The following CTNNA3 variants were observed in gnomAD, a reference collection of about 807,000 sequenced individuals.
The protein encoded by CTNNA3 is catenin alpha-3.
Under a neutral mutation model 95.7 loss-of-function variants are expected in CTNNA3, and 76 were observed. The observed-to-expected ratio is 0.79, with a 90% confidence interval of 0.66 to 0.96. The LOEUF (loss-of-function observed/expected upper bound fraction) is 0.96. Ranked by LOEUF, CTNNA3 falls within the 40% of genes least tolerant of loss-of-function variation. The pLI is 0.00. For missense variants in CTNNA3, 1,191 were observed against 1,089.8 expected (o/e 1.09, Z -1.31); for synonymous variants, 431 against 374.4 (o/e 1.15, Z -1.74).
intron 5 of CTNNA3, among the ~76,000 whole-genome samples, chr10:67,354,165 C>T (rs1775222386): frequency 2.0e-5 from 3 of 152,084 alleles, no homozygotes; most frequent in African/African-American, 4.8e-5. Flanking sequence ...AGTTAATGCA[C>T]AGTATAAAAC....
intron 5 of CTNNA3, among the ~76,000 whole-genome samples, chr10:67,344,789 A>G (rs1416887767): frequency 6.6e-6 from 1 of 151,958 alleles, no homozygotes; most frequent in Admixed American, 6.6e-5. Flanking sequence ...TTTTTAAAAC[A>G]CCAACTTTTT....
chr10:67,375,036 C>T (rs912134897), intron 5 of CTNNA3, among the ~76,000 whole-genome samples: 1 of 152,108 alleles, frequency 6.6e-6, no homozygotes, highest in African/African-American at 2.4e-5. Context: ...TTGACACCGA[C>T]ATACTAAAAG....
At chr10:67,551,331 G>A (rs1841024380) in intron 3 of CTNNA3, among the ~76,000 whole-genome samples, 1 of 152,120 alleles carries the variant, frequency 6.6e-6, no homozygotes, top group South Asian at 2.1e-4. Flanking sequence ...ACGACGTGGA[G>A]TTTTACTGGG....
intron 7 of CTNNA3, among the ~76,000 whole-genome samples, chr10:67,179,338 C>T (rs1162100896): frequency 6.6e-6 from 1 of 151,124 alleles, no homozygotes; most frequent in African/African-American, 2.4e-5. Context: ...ATAAATATTA[C>T]CAAGATTTGA....
intron 9 of CTNNA3, among the ~76,000 whole-genome samples, chr10:66,670,808 G>A (rs1189972996): frequency 1.3e-5 from 2 of 152,176 alleles, no homozygotes; most frequent in Non-Finnish European, 2.9e-5. Flanking sequence ...ACCACAGGGT[G>A]TGCCCACCAG....
chr10:66,365,281 A>G (rs550297991), intron 12 of CTNNA3, among the ~76,000 whole-genome samples: 1 of 152,156 alleles, frequency 6.6e-6, no homozygotes, highest in Admixed American at 6.6e-5. Context: ...AAACTATCAT[A>G]AGATGAGAAA....
intron 9 of CTNNA3, among the ~76,000 whole-genome samples, chr10:66,714,110 G>A (rs142810265): frequency 3.5e-4 from 53 of 152,000 alleles, no homozygotes; most frequent in Non-Finnish European, 1.6e-4. Context: ...CAAAATGATC[G>A]AATCGTGATG....
chr10:66,647,198 T>G (rs1297343698), intron 9 of CTNNA3, among the ~76,000 whole-genome samples: 1 of 152,174 alleles, frequency 6.6e-6, no homozygotes, highest in African/African-American at 2.4e-5. Context: ...TCTAAAGGGT[T>G]CATACACTAC....
intron 7 of CTNNA3, among the ~76,000 whole-genome samples, chr10:66,962,881 A>T (rs1280390592): frequency 6.6e-6 from 1 of 152,096 alleles, no homozygotes; most frequent in Non-Finnish European, 1.5e-5. Context: ...TTGCCCAACA[A>T]TGCACCCCAT....
chr10:66,607,535 G>A (rs1008859895), intron 10 of CTNNA3, among the ~76,000 whole-genome samples: 5 of 137,766 alleles, frequency 3.6e-5, no homozygotes, highest in Non-Finnish European at 4.7e-5. Context: ...TGTCTTTGAT[G>A]AATTTTGAGG....
chr10:67,372,158 T>G (rs1843493311), intron 5 of CTNNA3, among the ~76,000 whole-genome samples: 1 of 152,168 alleles, frequency 6.6e-6, no homozygotes, highest in African/African-American at 2.4e-5. Context: ...TTGCAAAAAT[T>G]TTCTCCCATT....
At chr10:67,311,335 C>T (rs1840789366) in intron 5 of CTNNA3, among the ~76,000 whole-genome samples, 1 of 152,062 alleles carries the variant, frequency 6.6e-6, no homozygotes, top group African/African-American at 2.4e-5. Context: ...CTTCCAAGCT[C>T]TATAAAGGAT....
rs1194191979 is a variant in CTNNA3 at position 66,733,053 on chromosome 10, C to G, written c.1281+33211G>C. Reference sequence around the variant, plus strand: ...TCAAGTGACCCTCCTGCCTCAGCCTCCCAAAGTGCTAGGATTACAAGTGTC... The same window carrying G: ...TCAAGTGACCCTCCTGCCTCAGCCTGCCAAAGTGCTAGGATTACAAGTGTC... On this transcript the variant is annotated intron_variant, in intron 9 of 17. Coordinates refer to ENST00000433211, the MANE Select transcript of CTNNA3 (RefSeq NM_013266.4). Among the ~76,000 whole-genome samples, 9 of 152,220 alleles carry G rather than the reference C, an allele frequency of 5.9e-5. No individual in the cohort carries two copies. In the South Asian group the frequency reaches 1.9e-3, roughly 32 times the overall value.
At chr10:67,042,536 T>TCC (rs1482082059) in intron 7 of CTNNA3, among the ~76,000 whole-genome samples, 61 of 152,070 alleles carry the variant, frequency 4.0e-4, no homozygotes, top group Non-Finnish European at 7.9e-4. Flanking sequence ...TGGCAGTGGA[T>TCC]CAAATAGTGT....
chr10:67,288,719 C>A (rs1397441193), intron 5 of CTNNA3, among the ~76,000 whole-genome samples: 4 of 152,160 alleles, frequency 2.6e-5, no homozygotes, highest in Non-Finnish European at 4.4e-5. Context: ...AATAAGATTA[C>A]CTCCTTGTGA....
At chr10:67,058,326 T>G (rs1855561452) in intron 7 of CTNNA3, among the ~76,000 whole-genome samples, 1 of 152,204 alleles carries the variant, frequency 6.6e-6, no homozygotes, top group African/African-American at 2.4e-5. Context: ...TAGGCTTTTG[T>G]CAGATAACAT....
At chr10:66,033,876 A>C (rs1354928426) in intron 15 of CTNNA3, among the ~76,000 whole-genome samples, 2 of 152,128 alleles carry the variant, frequency 1.3e-5, no homozygotes, top group Non-Finnish European at 1.5e-5. Context: ...CCTTCCCTGC[A>C]ATATGTTGGC....
At chr10:65,952,768 G>A (rs139861006) in intron 17 of CTNNA3, among the ~76,000 whole-genome samples, 58 of 152,204 alleles carry the variant, frequency 3.8e-4, no homozygotes, top group African/African-American at 1.3e-3. Context: ...AATGAACATG[G>A]CCCCTTGATT....
intron 1 of CTNNA3, among the ~76,000 whole-genome samples, chr10:67,686,547 G>T (rs951338769): frequency 6.6e-6 from 1 of 152,102 alleles, no homozygotes; most frequent in Non-Finnish European, 1.5e-5. Flanking sequence ...TAAGCAGGCG[G>T]TTGTCTGATA....
Sources: allele counts gnomAD v4.1 joint callset (sites outside exome capture counted in the v4.1 genomes callset), GRCh38; gene constraint gnomAD v4.1.1; transcripts MANE v1.5; gene names NCBI Gene and HGNC (gene_info 2026-07-23, HGNC 2026-07-21).